The following COL19A1 variants were observed in gnomAD, a reference collection of about 807,000 sequenced individuals.
COL19A1 encodes the protein collagen type XIX alpha 1 chain.
In COL19A1, 159 loss-of-function variants were observed where a neutral mutation model predicts 190.2. The observed-to-expected ratio is 0.84, with a 90% confidence interval of 0.73 to 0.95. COL19A1 has a LOEUF of 0.95. Ranked by LOEUF, COL19A1 falls within the 40% of genes least tolerant of loss-of-function variation. COL19A1 has a pLI of 0.00. For synonymous variants in COL19A1, 509 were observed against 458.9 expected (o/e 1.11, Z -1.39); for missense variants, 1,418 against 1,431.9 (o/e 0.99, Z 0.16).
At chr6:69,913,345 G>C (rs569167294) in intron 4 of COL19A1, among the ~76,000 whole-genome samples, 2 of 152,236 alleles carry the variant, frequency 1.3e-5, no homozygotes, top group African/African-American at 4.8e-5. Context: ...GCTAAACCCT[G>C]AGAATTTAAG....
chr6:69,979,995 C>T (rs962125849), intron 11 of COL19A1, among the ~76,000 whole-genome samples: 5 of 151,706 alleles, frequency 3.3e-5, no homozygotes, highest in South Asian at 4.1e-4. Flanking sequence ...AAAATTAATA[C>T]GTAAATGTAA....
chr6:70,206,820 A>G, intron 49 of COL19A1, 81 bp from the exon 50 acceptor site: 1 of 1,167,044 alleles, frequency 8.6e-7, no homozygotes, highest in Non-Finnish European at 1.2e-6. Flanking sequence ...ATTATCACAG[A>G]CTCAGAAAAT....
chr6:70,023,625 A>G lies in COL19A1; in HGVS notation c.1027-2A>G, dbSNP rs1554190692. 6.2e-7 allele frequency: 1 copy of G among 1,606,392 alleles called. No individual in the cohort carries two copies. The highest frequency in any genetic ancestry group is 1.1e-5 in the South Asian group (1 of 89,376). On this transcript the variant is annotated splice_acceptor_variant, in intron 11 of 50. Transcript: ENST00000620364. LOFTEE classifies it high-confidence loss of function. ...TTCATTGTATAAATTGTTTCTTTTT[A>G]GGGTGAACAAGGAGAAAAAGGAGAT...
At chr6:69,903,106 G>A (rs1770295512) in intron 4 of COL19A1, among the ~76,000 whole-genome samples, 1 of 152,162 alleles carries the variant, frequency 6.6e-6, no homozygotes, top group Non-Finnish European at 1.5e-5. Flanking sequence ...CCCAGCATCG[G>A]TTCAGATTAC....
chr6:69,936,659 T>G, intron 7 of COL19A1, 126 bp from the exon 8 acceptor site: 2 of 1,206,100 alleles, frequency 1.7e-6, no homozygotes, highest in Non-Finnish European at 2.3e-6. Context: ...GGTGTTAACT[T>G]TTGGTTAGTA....
intron 16 of COL19A1, among the ~76,000 whole-genome samples, chr6:70,112,497 C>G (rs1562184743): frequency 6.6e-6 from 1 of 151,374 alleles, no homozygotes; most frequent in Non-Finnish European, 1.5e-5. Context: ...GGGGAGGAAT[C>G]TTTTTTTTTC....
intron 1 of COL19A1, among the ~76,000 whole-genome samples, chr6:69,868,275 A>G (rs1264714185): frequency 1.3e-5 from 2 of 151,790 alleles, no homozygotes; most frequent in African/African-American, 2.4e-5. Flanking sequence ...GAGTGGTGGG[A>G]AACTTGCAGG....
Position 70,123,260 on chromosome 6 carries a change from A to G in COL19A1, c.1341+1318A>G, listed in dbSNP as rs1020308513. ...ATGCAAATCAAAACCACAGTGAGAT[A>G]CCATCTCACACCAGTTAGAATGGCA... On this transcript the variant is annotated intron_variant, in intron 17 of 50. Transcript: ENST00000620364. Among the ~76,000 whole-genome samples the G allele has an allele frequency of 4.3e-4, 66 of 152,118 alleles. 1 individual carries two copies. The highest frequency in any genetic ancestry group is 8.3e-4 in the South Asian group (4 of 4,824).
At chr6:69,982,387 C>A (rs1469224304) in intron 11 of COL19A1, among the ~76,000 whole-genome samples, 2 of 151,736 alleles carry the variant, frequency 1.3e-5, no homozygotes, top group African/African-American at 2.4e-5. Flanking sequence ...ATTACAGGCA[C>A]CTGCCGCCAC....
intron 4 of COL19A1, among the ~76,000 whole-genome samples, chr6:69,909,162 C>G (rs1432953675): frequency 6.6e-6 from 1 of 152,094 alleles, no homozygotes; most frequent in Non-Finnish European, 1.5e-5. Context: ...ACAAACTTAT[C>G]CATTTTCTAG....
At chr6:70,145,715 A>G (rs377681166) in intron 25 of COL19A1, among the ~76,000 whole-genome samples, 3 of 108,274 alleles carry the variant, frequency 2.8e-5, no homozygotes, top group Non-Finnish European at 5.6e-5. Context: ...TATTCATCTT[A>G]TTGTTTCTTT....
chr6:70,034,312 C>T lies in COL19A1; in HGVS notation c.1134+14C>T. 1 of 1,605,928 alleles carries T rather than the reference C, an allele frequency of 6.2e-7. No homozygotes were observed. The highest frequency in any genetic ancestry group is 8.5e-7 in the Non-Finnish European group (1 of 1,172,664). ...AAAGGAGAAAAGGTATTGTGTTTAC[C>T]CAGCCAAGCCCAACCTTTCTTTAAG... On this transcript the variant is annotated intron_variant, in intron 13 of 50. Transcript: ENST00000620364.
Position 70,053,429 on chromosome 6 carries a change from C to G in COL19A1, c.1171-14994C>G, listed in dbSNP as rs115974030. On this transcript the variant is annotated intron_variant, in intron 14 of 50. Coordinates refer to ENST00000620364, the MANE Select transcript of COL19A1 (RefSeq NM_001858.6). ...CTGATTATTTGGAAGTCACATACTACCCATGTTACCAACCCAATAGACTGG... is the reference window on the plus strand; with the variant it reads ...CTGATTATTTGGAAGTCACATACTAGCCATGTTACCAACCCAATAGACTGG... Among the ~76,000 whole-genome samples, 416 of 152,192 alleles carry G rather than the reference C, an allele frequency of 2.7e-3. 2 individuals carry two copies. The highest frequency in any genetic ancestry group is 9.4e-3 in the African/African-American group (391 of 41,510).
chr6:69,946,364 G>A (rs1333289149), intron 9 of COL19A1, among the ~76,000 whole-genome samples: 1 of 151,806 alleles, frequency 6.6e-6, no homozygotes, highest in Non-Finnish European at 1.5e-5. Context: ...CTACAGAATG[G>A]GCATATGAGT....
chr6:70,192,115 C>T (rs568734893), intron 48 of COL19A1, among the ~76,000 whole-genome samples: 1 of 152,208 alleles, frequency 6.6e-6, no homozygotes, highest in African/African-American at 2.4e-5. Context: ...GGCTGGAGTG[C>T]AATGACGCGA....
intron 15 of COL19A1, among the ~76,000 whole-genome samples, chr6:70,095,644 C>T (rs1535391): frequency 0.4 from 61,385 of 151,954 alleles, 13,221 homozygotes; most frequent in South Asian, 0.54. Context: ...ACATTTTCAT[C>T]GTGCAAAACT....
In COL19A1 at chr6:70,210,080, C is replaced by G. The variant is rs1426473283; in HGVS notation, c.*2806C>G. The G allele has an allele frequency of 2.0e-5, 3 of 152,088 alleles. No individual in the cohort carries two copies. The highest frequency in any genetic ancestry group is 4.4e-5 in the Non-Finnish European group (3 of 67,992). The allele number at this position is 152,088 out of a possible 1,614,324, so 9.4% of individuals were successfully genotyped here. A position where few individuals can be genotyped will look rare whatever the true frequency, so the allele number is the denominator to read the frequency against. On this transcript the variant is annotated 3_prime_UTR_variant, in exon 51 of 51. Transcript: ENST00000620364. Reference sequence around the variant, plus strand: ...TTCAAAGCAGGGGAGAAGAATTATTCAATTTCATGAATAACTCTTGTTTGC... The same window carrying G: ...TTCAAAGCAGGGGAGAAGAATTATTGAATTTCATGAATAACTCTTGTTTGC...
At chr6:69,926,104 C>T (rs1057417214) in intron 4 of COL19A1, among the ~76,000 whole-genome samples, 6 of 152,092 alleles carry the variant, frequency 3.9e-5, no homozygotes, top group African/African-American at 1.4e-4. Context: ...ATTGCCCTGG[C>T]CAGAACTTCC....
At chr6:70,113,406 A>G (rs1784388536) in intron 16 of COL19A1, among the ~76,000 whole-genome samples, 1 of 152,180 alleles carries the variant, frequency 6.6e-6, no homozygotes, top group South Asian at 2.1e-4. Context: ...TAAGTGAAGG[A>G]TATTTCATTT....
Sources: allele counts gnomAD v4.1 joint callset (sites outside exome capture counted in the v4.1 genomes callset), GRCh38; gene constraint gnomAD v4.1.1; transcripts MANE v1.5; gene names NCBI Gene and HGNC (gene_info 2026-07-23, HGNC 2026-07-21).